The following CD96 variants were observed in gnomAD, a reference collection of about 807,000 sequenced individuals.
CD96 encodes the protein T-cell surface protein tactile.
Under a neutral mutation model 71.3 loss-of-function variants are expected in CD96, and 70 were observed. That is an observed-to-expected ratio of 0.98 (90% CI 0.81 to 1.20). The LOEUF is 1.20. Among genes scored for constraint, CD96 ranks in the 50% most tolerant of loss-of-function variants. CD96 has a pLI of 0.00. For missense variants in CD96, 742 were observed against 677.5 expected (o/e 1.10, Z -1.06); for synonymous variants, 248 against 233.0 (o/e 1.06, Z -0.59).
intron 9 of CD96, 51 bp downstream of exon 9, chr3:111,623,873 C>G (rs1325935183): frequency 9.0e-7 from 1 of 1,111,892 alleles, no homozygotes; most frequent in East Asian, 2.3e-5. Context: ...AACACACTCA[C>G]AAGTTTTACT....
chr3:111,604,870 T>C (rs1362233130), intron 7 of CD96, among the ~76,000 whole-genome samples: 1 of 150,974 alleles, frequency 6.6e-6, no homozygotes, highest in Non-Finnish European at 1.5e-5. Context: ...CCATGGACAA[T>C]AGGTTAAAAG....
downstream of CD96, among the ~76,000 whole-genome samples, chr3:111,654,908 A>G (rs961440394): frequency 1.3e-5 from 2 of 152,254 alleles, no homozygotes; most frequent in Non-Finnish European, 1.5e-5. Context: ...CAGTTACATG[A>G]ATCCTGCAGA....
At chr3:111,642,112 C>T (rs905960627) in intron 12 of CD96, among the ~76,000 whole-genome samples, 1 of 152,060 alleles carries the variant, frequency 6.6e-6, no homozygotes, top group African/African-American at 2.4e-5. Context: ...ACAAACTGAA[C>T]CGAAATCCAT....
intron 14 of CD96, among the ~76,000 whole-genome samples, chr3:111,660,211 T>G (rs1468756714): frequency 6.6e-6 from 1 of 152,186 alleles, no homozygotes; most frequent in Non-Finnish European, 1.5e-5. Flanking sequence ...AGCATTTCTA[T>G]GCACCAGAAA....
At chr3:111,561,523 G>GGGTCAGA (rs1553699521) in intron 2 of CD96, among the ~76,000 whole-genome samples, 1 of 147,858 alleles carries the variant, frequency 6.8e-6, no homozygotes, top group African/African-American at 2.4e-5. Context: ...GGCTGCTCGG[G>GGGTCAGA]GGTCAGGGGT....
intron 3 of CD96, chr3:111,570,886 C>T: frequency 6.2e-7 from 1 of 1,605,390 alleles, no homozygotes; most frequent in Non-Finnish European, 8.5e-7. Flanking sequence ...GTGGGCAGCT[C>T]ATGGTATCGA....
intron 8 of CD96, among the ~76,000 whole-genome samples, chr3:111,608,291 T>C (rs1445902835): frequency 6.6e-6 from 1 of 152,248 alleles, no homozygotes; most frequent in Non-Finnish European, 1.5e-5. Context: ...AAAAGCCATA[T>C]TGCCTTTTTA....
chr3:111,572,093 G>A (rs1936008620), intron 3 of CD96, among the ~76,000 whole-genome samples: 1 of 152,302 alleles, frequency 6.6e-6, no homozygotes, highest in Non-Finnish European at 1.5e-5. Flanking sequence ...CATGAGTAGA[G>A]ATTTAAGATG....
chr3:111,637,581 T>G (rs1375044425), intron 11 of CD96, among the ~76,000 whole-genome samples: 1 of 152,218 alleles, frequency 6.6e-6, no homozygotes, highest in Non-Finnish European at 1.5e-5. Flanking sequence ...ATTTGTTTAG[T>G]CTAATGTTGC....
rs537676356 is a variant in CD96, at chr3:111,576,400, T to C, written c.544-2627T>C. 2.6e-5 allele frequency among the ~76,000 whole-genome samples: 4 copies of C among 152,290 alleles called. No individual in the cohort carries two copies. In the East Asian group the frequency reaches 7.7e-4, roughly 29 times the overall value. On this transcript the variant is annotated intron_variant, in intron 3 of 13. Coordinates refer to ENST00000352690, the MANE Select transcript of CD96 (RefSeq NM_005816.5). ...GGCCAATATGTCATACAAAGGCCCC[T>C]TTCAATCAACAAATTGCCCTCACCC... is the stretch of plus-strand genomic sequence containing the variant.
At chr3:111,606,429 G>A (rs1288938124) in intron 7 of CD96, among the ~76,000 whole-genome samples, 7 of 152,046 alleles carry the variant, frequency 4.6e-5, no homozygotes, top group Admixed American at 6.6e-5. Context: ...GTGCCCCTTC[G>A]TTGTGTTCCT....
intron 12 of CD96, among the ~76,000 whole-genome samples, chr3:111,644,568 A>C (rs188585026): frequency 1.4e-4 from 22 of 152,352 alleles, no homozygotes; most frequent in South Asian, 6.2e-4. Context: ...CAGTCAGCAG[A>C]GTAAACAGAT....
intron 12 of CD96, among the ~76,000 whole-genome samples, chr3:111,644,757 T>C (rs1939748687): frequency 6.6e-6 from 1 of 151,882 alleles, no homozygotes; most frequent in Non-Finnish European, 1.5e-5. Context: ...CTAACAAACA[T>C]ATGAAAAAAT....
chr3:111,546,897 C>T (rs1934426013), intron 2 of CD96, among the ~76,000 whole-genome samples: 1 of 128,826 alleles, frequency 7.8e-6, no homozygotes, highest in Non-Finnish European at 1.7e-5. Context: ...AAACACACCA[C>T]ACACACACAC....
At chr3:111,660,980 G>C (rs1940339703) in intron 14 of CD96, among the ~76,000 whole-genome samples, 1 of 152,116 alleles carries the variant, frequency 6.6e-6, no homozygotes, top group African/African-American at 2.4e-5. Context: ...CACACCTATA[G>C]AGACATACCT....
At chr3:111,547,343 T>A (rs1489654019) in intron 2 of CD96, among the ~76,000 whole-genome samples, 2 of 152,210 alleles carry the variant, frequency 1.3e-5, no homozygotes, top group African/African-American at 4.8e-5. Context: ...TATATTGACC[T>A]CATTTGGAAC....
intron 10 of CD96, among the ~76,000 whole-genome samples, chr3:111,625,494 A>T (rs911562484): frequency 6.6e-6 from 1 of 152,206 alleles, no homozygotes; most frequent in Admixed American, 6.5e-5. Flanking sequence ...TTAAGTGTCT[A>T]TCAAAGATGG....
intron 2 of CD96, among the ~76,000 whole-genome samples, chr3:111,565,953 G>T (rs1045495471): frequency 6.6e-6 from 1 of 150,742 alleles, no homozygotes; most frequent in Admixed American, 6.6e-5. Flanking sequence ...AAGATCTAAA[G>T]GCTAGATATA....
intron 7 of CD96, among the ~76,000 whole-genome samples, chr3:111,604,266 A>T (rs1222263437): frequency 2.0e-5 from 3 of 152,172 alleles, no homozygotes. Context: ...TCAAATGGAC[A>T]CACCCAGGAA....
Sources: gnomAD v4.1 joint callset for allele counts (sites outside exome capture counted in the v4.1 genomes callset) on GRCh38, gnomAD v4.1.1 for gene constraint, MANE v1.5 for transcripts, NCBI Gene and HGNC (gene_info 2026-07-23, HGNC 2026-07-21) for gene names.